The following NLGN4X variants were observed in gnomAD, a reference collection of about 807,000 sequenced individuals.
NLGN4X encodes the protein neuroligin 4 X-linked.
In NLGN4X, 3 loss-of-function variants were observed where a neutral mutation model predicts 40.3. The observed-to-expected ratio is 0.07, with a 90% CI of 0.03 to 0.19. The LOEUF (loss-of-function observed/expected upper bound fraction) is 0.19, where lower values mean the gene tolerates loss of function less well. Ranked by LOEUF, NLGN4X falls within the 10% of genes least tolerant of loss-of-function variation. NLGN4X has a pLI of 1.00. For synonymous variants in NLGN4X, 270 were observed against 306.8 expected, an observed-to-expected ratio of 0.88 and a Z score of 1.25; for missense variants, 382 against 708.3, an observed-to-expected ratio of 0.54 and a Z score of 5.23.
intron 3 of NLGN4X, among the ~76,000 whole-genome samples, chrX:6,022,924 T>C (rs2036592637): frequency 8.9e-6 from 1 of 111,823 alleles, no homozygotes. Context: ...TGTTGGTTGC[T>C]TTTATATCAA....
At chrX:5,986,585 T>C (rs924924854) in intron 3 of NLGN4X, among the ~76,000 whole-genome samples, 1 of 112,197 alleles carries the variant, frequency 8.9e-6, no homozygotes, top group East Asian at 2.8e-4. Flanking sequence ...TTAAGAACTT[T>C]AGCTTATTTA....
At chrX:6,121,149 TACACACAC>T (rs35061904) in intron 2 of NLGN4X, among the ~76,000 whole-genome samples, 32 of 102,506 alleles carry the variant, frequency 3.1e-4, no homozygotes, top group South Asian at 1.4e-3. Context: ...TATATATACA[TACACACAC>T]ACACACACAC....
chrX:6,182,256 A>G (rs1921533739), intron 1 of NLGN4X, among the ~76,000 whole-genome samples: 1 of 112,008 alleles, frequency 8.9e-6, no homozygotes, highest in South Asian at 3.7e-4. Context: ...TATTCCAAAC[A>G]TACCTTCCAT....
At chrX:5,951,044 T>C (rs1478023752) in intron 3 of NLGN4X, among the ~76,000 whole-genome samples, 1 of 112,309 alleles carries the variant, frequency 8.9e-6, no homozygotes, top group Non-Finnish European at 1.9e-5. Context: ...AACATTCACC[T>C]ACATCCAAAA....
At chrX:5,919,774 A>C (rs989384891) in intron 3 of NLGN4X, among the ~76,000 whole-genome samples, 3 of 111,794 alleles carry the variant, frequency 2.7e-5, no homozygotes, top group African/African-American at 9.8e-5. Context: ...TACTTGGAAA[A>C]AATTATCTTC....
chrX:6,120,067 C>T (rs2039388780), intron 2 of NLGN4X, among the ~76,000 whole-genome samples: 1 of 111,218 alleles, frequency 9.0e-6, no homozygotes, highest in African/African-American at 3.3e-5. Flanking sequence ...CCTGTAATCC[C>T]AGCTACTAAG....
At chrX:6,020,591 T>G (rs2036504223) in intron 3 of NLGN4X, among the ~76,000 whole-genome samples, 1 of 112,036 alleles carries the variant, frequency 8.9e-6, no homozygotes. Flanking sequence ...TCTAAGAAAG[T>G]AGATTTTAAG....
intron 1 of NLGN4X, among the ~76,000 whole-genome samples, chrX:6,217,245 T>C (rs1036388389): frequency 1.8e-5 from 2 of 112,449 alleles, no homozygotes; most frequent in Non-Finnish European, 3.7e-5. Flanking sequence ...AATTTACATA[T>C]GTATTTATAA....
chrX:5,931,600 T>C (rs951332608), intron 3 of NLGN4X, among the ~76,000 whole-genome samples: 2 of 111,816 alleles, frequency 1.8e-5, no homozygotes, highest in African/African-American at 6.5e-5. Context: ...TTTAGAATCC[T>C]ACCTTTAATG....
intron 5 of NLGN4X, among the ~76,000 whole-genome samples, chrX:5,896,226 T>C (rs2031485121): frequency 8.9e-6 from 1 of 111,869 alleles, no homozygotes; most frequent in Admixed American, 9.5e-5. Context: ...AAACACATTA[T>C]ATTTTGTTCT....
At chrX:5,910,053 C>A (rs1002302852) in intron 3 of NLGN4X, among the ~76,000 whole-genome samples, 1 of 111,341 alleles carries the variant, frequency 9.0e-6, no homozygotes, top group African/African-American at 3.3e-5. Flanking sequence ...TGAAAAATGG[C>A]AATTTTGGTA....
intron 1 of NLGN4X, among the ~76,000 whole-genome samples, chrX:6,211,405 T>TTAAA (rs1335555658): frequency 8.9e-6 from 1 of 111,785 alleles, no homozygotes; most frequent in Non-Finnish European, 1.9e-5. Context: ...ACTGGGTATG[T>TTAAA]TAAAGCATAG....
At chrX:6,208,343 C>G (rs1924223863) in intron 1 of NLGN4X, among the ~76,000 whole-genome samples, 1 of 112,338 alleles carries the variant, frequency 8.9e-6, no homozygotes, top group Non-Finnish European at 1.9e-5. Flanking sequence ...TATTTCCAGT[C>G]TTTGTTTTCT....
At chrX:5,919,399 C>T (rs1226841293) in intron 3 of NLGN4X, among the ~76,000 whole-genome samples, 3 of 111,678 alleles carry the variant, frequency 2.7e-5, no homozygotes, top group Non-Finnish European at 5.6e-5. Flanking sequence ...ATCTTTATCA[C>T]GTCAGTCAAG....
intron 3 of NLGN4X, among the ~76,000 whole-genome samples, chrX:6,002,953 C>T (rs1454117158): frequency 2.8e-4 from 31 of 111,584 alleles, no homozygotes; most frequent in Non-Finnish European, 3.8e-5. Flanking sequence ...TATCTTCCTG[C>T]TCCATCCCGT....
In NLGN4X at chrX:6,113,725, T is replaced by C. The variant is rs374274755; in HGVS notation, c.472+37270A>G. Among the ~76,000 whole-genome samples, 25 of 108,933 alleles carry C rather than the reference T, an allele frequency of 2.3e-4. 3 individuals are homozygous for C. The highest frequency in any genetic ancestry group is 1.8e-3 in the Admixed American group (18 of 10,109). 94.6% of individuals were successfully genotyped at this position (108,933 alleles called of 115,157 possible). A position where few individuals can be genotyped will look rare whatever the true frequency, so the allele number is the denominator to read the frequency against. On this transcript the variant is annotated intron_variant, in intron 2 of 5. Coordinates refer to ENST00000381095, the MANE Select transcript of NLGN4X (RefSeq NM_181332.3). ...AAAAAAAAAATGCACGATACACAAATAGCAGATGGACTTAAGGACTGACTT... is the reference window on the plus strand; with the variant it reads ...AAAAAAAAAATGCACGATACACAAACAGCAGATGGACTTAAGGACTGACTT...
chrX:6,074,361 C>T (rs2038141368), intron 2 of NLGN4X, among the ~76,000 whole-genome samples: 4 of 111,516 alleles, frequency 3.6e-5, no homozygotes, highest in East Asian at 2.8e-4. Context: ...ACTTGCCCTC[C>T]GGGAAGCCTG....
chrX:6,053,409 C>T (rs2037540475), intron 2 of NLGN4X, among the ~76,000 whole-genome samples: 1 of 111,000 alleles, frequency 9.0e-6, no homozygotes, highest in Non-Finnish European at 1.9e-5. Flanking sequence ...TGGAACTCCA[C>T]GAGCATGCTG....
At chrX:6,140,582 T>C (rs1451995588) in intron 2 of NLGN4X, among the ~76,000 whole-genome samples, 1 of 109,954 alleles carries the variant, frequency 9.1e-6, no homozygotes, top group East Asian at 2.8e-4. Context: ...TGTTTCTCTT[T>C]TATTTCTTTT....
Sources: allele counts gnomAD v4.1 joint callset (sites outside exome capture counted in the v4.1 genomes callset), GRCh38; gene constraint gnomAD v4.1.1; transcripts MANE v1.5; gene names NCBI Gene and HGNC (gene_info 2026-07-23, HGNC 2026-07-21).